Variants in BAHCC1 observed in about 807,000 individuals in gnomAD.
BAHCC1 encodes the protein BAH domain and coiled-coil containing 1, also known as BAH and coiled-coil domain-containing protein 1.
Under a neutral mutation model 88.2 loss-of-function variants are expected in BAHCC1, and 43 were observed. The observed-to-expected ratio is 0.49, with a 90% confidence interval of 0.38 to 0.63. The LOEUF is 0.63. BAHCC1 is among the 20% of genes least tolerant of loss of function. The pLI is 0.00. For synonymous variants in BAHCC1, 1,510 were observed against 745.5 expected (o/e 2.03, Z -16.71); for missense variants, 3,023 against 1,654.8 (o/e 1.83, Z -14.34).
At chr17:81,413,055 C>T (rs540047631) in intron 2 of BAHCC1, 8 of 390,016 alleles carry the variant, frequency 2.1e-5, no homozygotes, top group Non-Finnish European at 3.1e-5. Flanking sequence ...GTCCAGGTCC[C>T]GCCCACACCA....
intron 1 of BAHCC1, among the ~76,000 whole-genome samples, chr17:81,398,973 A>G (rs1396258327): frequency 1.3e-5 from 2 of 151,758 alleles, no homozygotes; most frequent in Non-Finnish European, 2.9e-5. Flanking sequence ...CAATAAAATT[A>G]CTCGCTTAAT....
intron 2 of BAHCC1, among the ~76,000 whole-genome samples, chr17:81,403,713 T>G: frequency 6.6e-6 from 1 of 152,218 alleles, no homozygotes; most frequent in Admixed American, 6.5e-5. Context: ...TAAGTAGGTG[T>G]GAAAAGAGTT....
rs1568010415 is a variant in BAHCC1, at chr17:81,431,122, A to AC, written c.358+4145dup. 4.6e-5 allele frequency among the ~76,000 whole-genome samples: 7 copies of AC among 150,934 alleles called. No homozygotes were observed. In the South Asian group the frequency reaches 1.5e-3, roughly 32 times the overall value. ...GTGGAGGGGCTCTGCTGGGCCGGCT[A>AC]CCTCCCGCCAGCTTCTCTCAGCCAG... On this transcript the variant is annotated intron_variant, in intron 3 of 27. Transcript: ENST00000675386.
At chr17:81,418,632 A>G (rs374150978) in intron 2 of BAHCC1, among the ~76,000 whole-genome samples, 251 of 152,274 alleles carry the variant, frequency 1.6e-3, no homozygotes, top group African/African-American at 5.6e-3. Flanking sequence ...GGTTCAGGTC[A>G]GTAAGTGGAT....
At position 81,435,552 on chromosome 17, in the gene BAHCC1, C is replaced by A. The variant is rs1555651600; in HGVS notation, c.359-2818C>A. 11 of 466,650 alleles carry A rather than the reference C, an allele frequency of 2.4e-5. No individual in the cohort carries two copies. The highest frequency in any genetic ancestry group is 2.2e-5 in the Non-Finnish European group (5 of 224,816). 28.9% of individuals were successfully genotyped at this position (466,650 alleles called of 1,614,324 possible). A position where few individuals can be genotyped will look rare whatever the true frequency, so the allele number is the denominator to read the frequency against. ...ATAAAAGCTCCCGTCTCAAAGGGGT[C>A]TGGGAAGGGGAGGTTCTGGAGCCCC... On this transcript the variant is annotated intron_variant, in intron 3 of 27. Coordinates refer to ENST00000675386, the MANE Select transcript of BAHCC1 (RefSeq NM_001377448.1). This position sits in a 1 kb window ranked among gnomAD's most constrained non-coding sequence, Gnocchi z 4.4.
rs782686540 is a variant in BAHCC1, at chr17:81,445,117, C to T, written c.2774C>T (p.Pro925Leu). The T allele has an allele frequency of 1.4e-5, 11 of 773,566 alleles. No individual in the cohort carries two copies. The highest frequency in any genetic ancestry group is 3.4e-5 in the Admixed American group (2 of 58,436). The allele number at this position is 773,566 out of a possible 1,614,324, so 47.9% of individuals were successfully genotyped here. ...HPGQLPVYSR[P>L]QLLRQQELYA... ...GGCCAGCTCCCTGTGTACTCGAGGCCGCAGCTCCTCCGGCAGCAGGAGCTC... is the reference window on the plus strand; with the variant it reads ...GGCCAGCTCCCTGTGTACTCGAGGCTGCAGCTCCTCCGGCAGCAGGAGCTC... Residue 925 changes from proline (P) to leucine (L), a missense_variant, in exon 9 of 28, where the codon CCG (proline) becomes CTG (leucine). By Grantham distance (98) the Pro-to-Leu change is moderately conservative (BLOSUM62 -3). Transcript: ENST00000675386.
chr17:81,445,311 AG>A, intron 9 of BAHCC1, 42 bp from the exon 10 acceptor site: 1 of 744,648 alleles, frequency 1.3e-6, no homozygotes, highest in Non-Finnish European at 2.5e-6. Context: ...CACTGGGGTC[AG>A]GGGATCCTGA....
chr17:81,454,728 C>G (rs1161110287), intron 14 of BAHCC1, among the ~76,000 whole-genome samples: 1 of 152,308 alleles, frequency 6.6e-6, no homozygotes, highest in South Asian at 2.1e-4. Context: ...CCTGCATAAG[C>G]CCTGCCCCAG....
At chr17:81,448,008 C>T (rs1169226976) in intron 11 of BAHCC1, among the ~76,000 whole-genome samples, 160 bp downstream of exon 11, 2 of 152,232 alleles carry the variant, frequency 1.3e-5, no homozygotes, top group Admixed American at 6.5e-5. Context: ...TGCCGTCCCT[C>T]GTCCATGGAA....
chr17:81,395,468 C>T lies in BAHCC1; in HGVS notation c.-374C>T, dbSNP rs1378772508. The T allele has an allele frequency of 6.6e-6, 1 of 152,242 alleles. No homozygotes were observed. Among genetic ancestry groups the T allele is most frequent in the African/African-American group, 2.4e-5 (1 of 41,458 alleles). The allele number at this position is 152,242 out of a possible 1,614,324, so 9.4% of individuals were successfully genotyped here. On this transcript the variant is annotated 5_prime_UTR_variant, in exon 1 of 28. Coordinates refer to ENST00000675386, the MANE Select transcript of BAHCC1 (RefSeq NM_001377448.1). ...GCCCGTGGCTCGCCGCGCCAGGCTG[C>T]AGGTTTGAGAGCCGCTCTGGATGGG...
chr17:81,453,781 G>C (rs1008946069), intron 14 of BAHCC1, among the ~76,000 whole-genome samples: 1 of 152,238 alleles, frequency 6.6e-6, no homozygotes, highest in African/African-American at 2.4e-5. Flanking sequence ...CCCTCTTCCC[G>C]AGGGTCAGGG....
In BAHCC1 at chr17:81,462,792, G is replaced by A. The variant is rs1163759556; in HGVS notation, c.7436G>A (p.Arg2479Gln). The change falls in exon 27 of 28, where the codon CGG becomes CAG. Residue 2479 changes from arginine (R) to glutamine (Q), a missense_variant. Physicochemically the swap from Arg to Gln is conservative, Grantham distance 43 (BLOSUM62 1). Transcript: ENST00000675386. ...AAGCTGTTCTACAAGGCCATCGTGC[G>A]GGGCGAGGAGACCCTGCGTGTCGGG... is the stretch of plus-strand genomic sequence containing the variant. The part of the protein sequence containing the change: ...ARKLFYKAIV[R>Q]GEETLRVGDC... 3.8e-6 allele frequency: 3 copies of A among 779,684 alleles called. No homozygotes were observed. Among genetic ancestry groups the A allele is most frequent in the Admixed American group, 1.7e-5 (1 of 58,994 alleles). 48.3% of individuals were successfully genotyped at this position (779,684 alleles called of 1,614,324 possible).
rs782198198 is a variant in BAHCC1, at chr17:81,441,791, C to A, written c.482-40C>A. 9.2e-5 allele frequency: 52 copies of A among 566,828 alleles called. No individual in the cohort carries two copies. In the East Asian group the frequency reaches 1.5e-3, roughly 17 times the overall value. The allele number at this position is 566,828 out of a possible 1,614,324, so 35.1% of individuals were successfully genotyped here. A position where few individuals can be genotyped will look rare whatever the true frequency, so the allele number is the denominator to read the frequency against. On this transcript the variant is annotated intron_variant, in intron 4 of 27. Coordinates refer to ENST00000675386, the MANE Select transcript of BAHCC1 (RefSeq NM_001377448.1). Reference sequence around the variant, plus strand: ...TCAGGGAGTCTTTCTCCAGCCTCACCCCTAAGGCCTCCCATTGACCTTGGC... The same window carrying A: ...TCAGGGAGTCTTTCTCCAGCCTCACACCTAAGGCCTCCCATTGACCTTGGC...
intron 2 of BAHCC1, chr17:81,410,040 T>C: frequency 2.9e-6 from 1 of 340,744 alleles, no homozygotes; most frequent in Non-Finnish European, 6.2e-6. Flanking sequence ...CCTCCCTGAG[T>C]CTAGGCCTCC....
chr17:81,439,943 G>GGCCTGCACTTCCTC lies in BAHCC1; in HGVS notation c.481+1459_481+1472dup, dbSNP rs564036473. On this transcript the variant is annotated intron_variant, in intron 4 of 27. Coordinates refer to ENST00000675386, the MANE Select transcript of BAHCC1 (RefSeq NM_001377448.1). ...CATACTCACTCCAGGACCTCTGTGT[G>GGCCTGCACTTCCTC]GCCTGCACTTCCTCGCCTGCAGGAG... 3.1e-3 allele frequency among the ~76,000 whole-genome samples: 478 copies of GGCCTGCACTTCCTC among 152,264 alleles called. 3 individuals are homozygous for GGCCTGCACTTCCTC. The highest frequency in any genetic ancestry group is 0.011 in the African/African-American group (456 of 41,544).
At position 81,462,799 on chromosome 17, in the gene BAHCC1, G is replaced by A. The variant is rs782603889; in HGVS notation, c.7443G>A (p.Glu2481=). ...KLFYKAIVRG[E]ETLRVGDCAV... ...TCTACAAGGCCATCGTGCGGGGCGA[G>A]GAGACCCTGCGTGTCGGGGACTGTG... Residue 2481 remains glutamate (E), a synonymous_variant, in exon 27 of 28, where the codon GAG becomes GAA. Coordinates refer to ENST00000675386, the MANE Select transcript of BAHCC1 (RefSeq NM_001377448.1). 1 of 780,198 alleles carries A rather than the reference G, an allele frequency of 1.3e-6. No homozygotes were observed. The highest frequency in any genetic ancestry group is 1.3e-5 in the South Asian group (1 of 74,606). 48.3% of individuals were successfully genotyped at this position (780,198 alleles called of 1,614,324 possible).
intron 2 of BAHCC1, among the ~76,000 whole-genome samples, chr17:81,405,427 C>T (rs2063866263): frequency 6.6e-6 from 1 of 152,164 alleles, no homozygotes; most frequent in Admixed American, 6.5e-5. Flanking sequence ...TTTTAAACAT[C>T]CACCCTGGGG....
rs782525659 is a variant in BAHCC1, at chr17:81,447,531, C to T, written c.3659C>T (p.Pro1220Leu). The change falls in exon 11 of 28, where the codon CCG (proline) becomes CTG (leucine). Residue 1220 changes from proline to leucine, a missense_variant. Pro to Leu is a moderately conservative substitution (Grantham distance 98, BLOSUM62 -3). Coordinates refer to ENST00000675386, the MANE Select transcript of BAHCC1 (RefSeq NM_001377448.1). ...GCCCTTGAGGACGAGGGGGAGCAGC[C>T]GGCCCCTGAGGAGGACGAGCTGGAG... The part of the protein sequence containing the change: ...PGALEDEGEQ[P>L]APEEDELEED... 61 of 753,880 alleles carry T rather than the reference C, an allele frequency of 8.1e-5. No homozygotes were observed. The highest frequency in any genetic ancestry group is 1.2e-4 in the Non-Finnish European group (49 of 405,582). The allele number at this position is 753,880 out of a possible 1,614,324, so 46.7% of individuals were successfully genotyped here.
At chr17:81,404,789 A>T (rs2063859342) in intron 2 of BAHCC1, among the ~76,000 whole-genome samples, 1 of 152,162 alleles carries the variant, frequency 6.6e-6, no homozygotes, top group Non-Finnish European at 1.5e-5. Context: ...CTGGAGGCTG[A>T]GGCGTGGCAG....
Sources: allele counts gnomAD v4.1 joint callset (sites outside exome capture counted in the v4.1 genomes callset), GRCh38; gene constraint gnomAD v4.1.1; non-coding constraint Gnocchi (gnomAD v3.1); transcripts MANE v1.5; gene names NCBI Gene and HGNC (gene_info 2026-07-23, HGNC 2026-07-21).